SEPTIN8: variants seen among roughly 807,000 people sequenced by gnomAD.
SEPTIN8 encodes the protein septin 8, also known as septin-8.
In SEPTIN8, 22 loss-of-function variants were observed where a neutral mutation model predicts 53.1. The ratio of observed to expected loss-of-function variants is 0.41; its 90% confidence interval spans 0.30 to 0.59. SEPTIN8 has a LOEUF of 0.59. Ranked by LOEUF, SEPTIN8 falls within the 20% of genes least tolerant of loss-of-function variation. The probability of loss-of-function intolerance (pLI) is 0.24; values close to 1 mark genes in which losing one functional copy is unlikely to be tolerated. For missense variants in SEPTIN8, 536 were observed against 638.7 expected, an observed-to-expected ratio of 0.84 and a Z score of 1.73; for synonymous variants, 228 against 248.4, an observed-to-expected ratio of 0.92 and a Z score of 0.77.
chr5:132,762,318 C>T (rs952215536), intron 5 of SEPTIN8, among the ~76,000 whole-genome samples, 166 bp downstream of exon 5: 4 of 152,236 alleles, frequency 2.6e-5, no homozygotes, highest in Non-Finnish European at 5.9e-5. Flanking sequence ...CTTCCTGTCC[C>T]CTGCCCACAG....
Position 132,773,724 on chromosome 5 carries a change from G to C in SEPTIN8, c.30+3384C>G, listed in dbSNP as rs1476393336. 6.6e-6 allele frequency among the ~76,000 whole-genome samples: 1 copy of C among 152,200 alleles called. No homozygotes were observed. Among genetic ancestry groups the C allele is most frequent in the Non-Finnish European group, 1.5e-5 (1 of 68,036 alleles). ...TCCAGTCTCCCTCCTCCTTGGCCCTGAGCTTGGTCTCCTCCTTGCCATCCT... is the reference window on the plus strand; with the variant it reads ...TCCAGTCTCCCTCCTCCTTGGCCCTCAGCTTGGTCTCCTCCTTGCCATCCT... On this transcript the variant is annotated intron_variant, in intron 1 of 9. Transcript: ENST00000378719. The surrounding 1 kb of genome is among the most constrained non-coding windows in gnomAD (Gnocchi z 4.2).
Position 132,776,027 on chromosome 5 carries a change from T to G in SEPTIN8, c.30+1081A>C, listed in dbSNP as rs541437366. The G allele has an allele frequency of 1.3e-5, 2 of 152,482 alleles. No homozygotes were observed. Among genetic ancestry groups the G allele is most frequent in the South Asian group, 4.1e-4 (2 of 4,840 alleles). The allele number at this position is 152,482 out of a possible 1,614,324, so 9.4% of individuals were successfully genotyped here. The stretch of plus-strand genomic sequence containing the variant: ...TCAGATTAAATGGAAAATTTACATA[T>G]ATAAATTGGGATGACGGTATTTATA... On this transcript the variant is annotated intron_variant, in intron 1 of 9. Coordinates refer to ENST00000378719, the MANE Select transcript of SEPTIN8 (RefSeq NM_001098811.2). This position sits in a 1 kb window ranked among gnomAD's most constrained non-coding sequence, Gnocchi z 4.4.
Position 132,754,359 on chromosome 5 carries a change from C to G in SEPTIN8, c.1287-2178G>C, listed in dbSNP as rs1247230363. 3.5e-5 allele frequency: 25 copies of G among 714,962 alleles called. No individual in the cohort carries two copies. In the East Asian group the frequency reaches 6.7e-4, roughly 19 times the overall value. 44.3% of individuals were successfully genotyped at this position (714,962 alleles called of 1,614,324 possible). On this transcript the variant is annotated intron_variant, in intron 9 of 9. Coordinates refer to ENST00000378719, the MANE Select transcript of SEPTIN8 (RefSeq NM_001098811.2). ...TGAGTGCCCTCTGCCTCCTTCCTTC[C>G]AGTGTAAGTGGGACCACAGTGCATG...
chr5:132,763,766 C>T lies in SEPTIN8; in HGVS notation c.474G>A (p.Thr158=), dbSNP rs181188648. The T allele has an allele frequency of 1.9e-5, 30 of 1,614,108 alleles. No homozygotes were observed. In the Admixed American group the frequency reaches 2.0e-4, roughly 11 times the overall value. Reference sequence around the variant, plus strand: ...GAGACTTCAGGGAGTGCCCTGTGGGCGTGATGAAGTAGAGGCAAACGTGGA... The same window carrying T: ...GAGACTTCAGGGAGTGCCCTGTGGGTGTGATGAAGTAGAGGCAAACGTGGA... The part of the protein sequence containing the change: ...TRIHVCLYFI[T]PTGHSLKSLD... Residue 158 remains threonine (T), a synonymous_variant, in exon 4 of 10, where the codon ACG becomes ACA. Coordinates refer to ENST00000378719, the MANE Select transcript of SEPTIN8 (RefSeq NM_001098811.2).
intron 3 of SEPTIN8, 145 bp from the exon 4 acceptor site, chr5:132,764,037 A>C: frequency 1.0e-6 from 1 of 975,218 alleles, no homozygotes; most frequent in Non-Finnish European, 1.5e-6. Flanking sequence ...CTGACTGGAT[A>C]CAGGCAGCTG....
intron 1 of SEPTIN8, among the ~76,000 whole-genome samples, chr5:132,766,784 G>T (rs893824658): frequency 2.0e-5 from 3 of 152,058 alleles, no homozygotes; most frequent in Admixed American, 2.0e-4. Context: ...AACCGACAGG[G>T]GGCCCTGACT....
At position 132,765,447 on chromosome 5, in the gene SEPTIN8, G is replaced by A. The variant is rs199574441; in HGVS notation, c.113C>T (p.Ser38Leu). Residue 38 changes from serine to leucine, a missense_variant, in exon 2 of 10, where the codon TCG becomes TTG. Physicochemically the swap from Ser to Leu is moderately radical, Grantham distance 145. Transcript: ENST00000378719. Reference sequence around the variant, plus strand: ...GTTGAAGCTGAAGCCCTGAGTGACCGACTTGCTGACCAGCTGGTCGGGGAG... The same window carrying A: ...GTTGAAGCTGAAGCCCTGAGTGACCAACTTGCTGACCAGCTGGTCGGGGAG... ...DSLPDQLVSK[S>L]VTQGFSFNIL... The A allele has an allele frequency of 4.7e-4, 762 of 1,613,450 alleles. 1 individual carries two copies. The highest frequency in any genetic ancestry group is 6.1e-4 in the Non-Finnish European group (716 of 1,179,692).
intron 9 of SEPTIN8, chr5:132,759,040 A>C (rs1482158346): frequency 1.4e-6 from 1 of 698,210 alleles, no homozygotes; most frequent in Non-Finnish European, 2.7e-6. Context: ...AAAAATTTGG[A>C]TTCAAATTTA....
At position 132,762,522 on chromosome 5, in the gene SEPTIN8, C is replaced by T; in HGVS notation, c.658G>A (p.Asp220Asn). The T allele has an allele frequency of 6.2e-7, 1 of 1,614,256 alleles. No homozygotes were observed. Among genetic ancestry groups the T allele is most frequent in the African/African-American group, 1.3e-5 (1 of 75,068 alleles). ...TTAATCTCTGCAACAGCCTCATCAT[C>T]CGTGGGGAACTGGTAGATCTGGACC... is the stretch of plus-strand genomic sequence containing the variant. ...NGVQIYQFPT[D>N]DEAVAEINAV... Residue 220 changes from aspartate to asparagine, a missense_variant, in exon 5 of 10, where the codon GAT becomes AAT. By Grantham distance (23) the Asp-to-Asn change is conservative. Around this residue, in one of 3 missense-constraint regions of SEPTIN8, gnomAD observed 395 missense variants for 451.8 expected, o/e 0.87. Transcript: ENST00000378719.
At position 132,751,044 on chromosome 5, in the gene SEPTIN8, C is replaced by G. The variant is rs79059282; in HGVS notation, c.*972G>C. On this transcript the variant is annotated 3_prime_UTR_variant, in exon 10 of 10. Transcript: ENST00000378719. ...GAGTCTACCCTAAACTCGTTTGTGC[C>G]TTTGGAACAGCTGTTTACAACATGG... 116 of 1,599,790 alleles carry G rather than the reference C, an allele frequency of 7.3e-5. No homozygotes were observed. The East Asian group carries it at 2.3e-3, about 32-fold the overall frequency.
At chr5:132,755,157 A>T (rs1755216722) in intron 9 of SEPTIN8, among the ~76,000 whole-genome samples, 1 of 152,004 alleles carries the variant, frequency 6.6e-6, no homozygotes, top group South Asian at 2.1e-4. Context: ...TGCATTAGGG[A>T]TGTGTTCATA....
chr5:132,751,839 A>G lies in SEPTIN8; in HGVS notation c.*177T>C. The G allele has an allele frequency of 1.8e-6, 2 of 1,137,732 alleles. No individual in the cohort carries two copies. The highest frequency in any genetic ancestry group is 2.5e-6 in the Non-Finnish European group (2 of 806,320). The allele number at this position is 1,137,732 out of a possible 1,614,324, so 70.5% of individuals were successfully genotyped here. On this transcript the variant is annotated 3_prime_UTR_variant, in exon 10 of 10. Coordinates refer to ENST00000378719, the MANE Select transcript of SEPTIN8 (RefSeq NM_001098811.2). ...TCAAGCCCCTTACGGAGCCATGGATAGGAATGAAAAGGGTTGGGCAACATT... is the reference window on the plus strand; with the variant it reads ...TCAAGCCCCTTACGGAGCCATGGATGGGAATGAAAAGGGTTGGGCAACATT...
intron 3 of SEPTIN8, 26 bp downstream of exon 3, chr5:132,764,198 G>A: frequency 6.3e-7 from 1 of 1,591,212 alleles, no homozygotes. Flanking sequence ...AGGAGGCTGG[G>A]TGGGGCCGCC....
At chr5:132,777,499 C>T (rs188655514), upstream of SEPTIN8, 2,605 of 962,858 alleles carry the variant, frequency 2.7e-3, 46 homozygotes, top group African/African-American at 0.036. This position sits in a 1 kb window ranked among gnomAD's most constrained non-coding sequence, Gnocchi z 4.1. Context: ...TGGTGCCCGG[C>T]GGGCCTCTGC....
chr5:132,774,693 T>C (rs1757630445), intron 1 of SEPTIN8, among the ~76,000 whole-genome samples: 1 of 151,966 alleles, frequency 6.6e-6, no homozygotes, highest in Non-Finnish European at 1.5e-5. Flanking sequence ...CCGTCTAAGC[T>C]CCAGGTCAGG....
chr5:132,776,922 C>A lies in SEPTIN8; in HGVS notation c.30+186G>T, dbSNP rs1486286273. Among the ~76,000 whole-genome samples, 3 of 152,080 alleles carry A rather than the reference C, an allele frequency of 2.0e-5. No homozygotes were observed. The highest frequency in any genetic ancestry group is 7.2e-5 in the African/African-American group (3 of 41,452). On this transcript the variant is annotated intron_variant, in intron 1 of 9. Transcript: ENST00000378719. The surrounding 1 kb of genome is among the most constrained non-coding windows in gnomAD (Gnocchi z 4.4). Reference sequence around the variant, plus strand: ...CGACCAGCCGCCCGGCAAGGCAGGCCGCCCGACGCTCCGGGACCCCCCGAT... The same window carrying A: ...CGACCAGCCGCCCGGCAAGGCAGGCAGCCCGACGCTCCGGGACCCCCCGAT...
rs764271910 is a variant in SEPTIN8 at position 132,751,019 on chromosome 5, G to A, written c.*997C>T. The A allele has an allele frequency of 3.7e-6, 6 of 1,610,050 alleles. No homozygotes were observed. In the South Asian group the frequency reaches 6.7e-5, roughly 18 times the overall value. ...TATAGTGAGTAAGGAGGTGTTTACA[G>A]AGTCTACCCTAAACTCGTTTGTGCC... On this transcript the variant is annotated 3_prime_UTR_variant, in exon 10 of 10. Transcript: ENST00000378719.
chr5:132,752,218 G>T, intron 9 of SEPTIN8, 37 bp from the exon 10 acceptor site: 2 of 1,548,178 alleles, frequency 1.3e-6, no homozygotes, highest in South Asian at 1.2e-5. Context: ...CTTTGCCCCA[G>T]ACCAGGCTCT....
Position 132,765,278 on chromosome 5 carries a change from C to T in SEPTIN8, c.151+131G>A, listed in dbSNP as rs112936177. On this transcript the variant is annotated intron_variant, in intron 2 of 9. Transcript: ENST00000378719. ...CTCTGGCAGAGACACCAACCAAATC[C>T]TCGTCCTGACACCCCCAAAGTTTCA... 81 of 1,101,470 alleles carry T rather than the reference C, an allele frequency of 7.4e-5. No homozygotes were observed. The African/African-American group carries it at 1.2e-3, about 16-fold the overall frequency. 68.2% of individuals were successfully genotyped at this position (1,101,470 alleles called of 1,614,324 possible).
Sources: allele counts gnomAD v4.1 joint callset (sites outside exome capture counted in the v4.1 genomes callset), GRCh38; gene constraint gnomAD v4.1.1; regional missense constraint gnomAD v4.1.1; non-coding constraint Gnocchi (gnomAD v3.1); transcripts MANE v1.5; gene names NCBI Gene and HGNC (gene_info 2026-07-23, HGNC 2026-07-21).